The following KAZN variants were observed in gnomAD, a reference collection of about 807,000 sequenced individuals.
KAZN encodes kazrin.
A neutral mutation model predicts 87.4 loss-of-function variants in KAZN; 40 were observed. The ratio of observed to expected loss-of-function variants is 0.46; its 90% CI spans 0.36 to 0.60. The LOEUF (loss-of-function observed/expected upper bound fraction) is 0.60, where lower values mean the gene tolerates loss of function less well. Ranked by LOEUF, KAZN falls within the 20% of genes least tolerant of loss-of-function variation. The probability of loss-of-function intolerance (pLI) is 0.00; values close to 1 mark genes in which losing one functional copy is unlikely to be tolerated. For missense variants in KAZN, 898 were observed against 1,073.9 expected, an observed-to-expected ratio of 0.84 and a Z score of 2.29; for synonymous variants, 466 against 458.3, an observed-to-expected ratio of 1.02 and a Z score of -0.22.
At chr1:14,519,969 C>T (rs1671499482) in intron 2 of KAZN, among the ~76,000 whole-genome samples, 1 of 152,194 alleles carries the variant, frequency 6.6e-6, no homozygotes, top group South Asian at 2.1e-4. Context: ...CCCACGAGCC[C>T]AGGCATCTGT....
At chr1:14,526,176 T>C (rs1448262551) in intron 2 of KAZN, among the ~76,000 whole-genome samples, 1 of 152,214 alleles carries the variant, frequency 6.6e-6, no homozygotes, top group Non-Finnish European at 1.5e-5. Flanking sequence ...CATTGTCATT[T>C]AGCAAGAGAG....
chr1:14,389,002 G>GA (rs968393612), intron 2 of KAZN, among the ~76,000 whole-genome samples: 129 of 150,918 alleles, frequency 8.5e-4, no homozygotes, highest in African/African-American at 2.2e-3. Flanking sequence ...AACTCTACAG[G>GA]AAAAAAAAAT....
At chr1:14,801,388 G>C (rs1265812887) in intron 1 of KAZN, among the ~76,000 whole-genome samples, 1 of 152,184 alleles carries the variant, frequency 6.6e-6, no homozygotes, top group East Asian at 1.9e-4. Flanking sequence ...GGTGAAGCCA[G>C]GTGTGAGGGG....
intron 2 of KAZN, among the ~76,000 whole-genome samples, chr1:14,354,685 C>CACACACACACAA (rs1427516822): frequency 7.6e-5 from 11 of 145,364 alleles, no homozygotes; most frequent in Admixed American, 3.4e-4. Flanking sequence ...CACACACACA[C>CACACACACACAA]ACAAACAAAC....
intron 2 of KAZN, among the ~76,000 whole-genome samples, chr1:14,559,268 T>A (rs1323565114): frequency 6.6e-6 from 1 of 152,208 alleles, no homozygotes; most frequent in African/African-American, 2.4e-5. Context: ...TATAAAGGTG[T>A]TTGACGGCAA....
At chr1:14,537,285 C>T (rs1412311285) in intron 2 of KAZN, among the ~76,000 whole-genome samples, 1 of 152,184 alleles carries the variant, frequency 6.6e-6, no homozygotes, top group Non-Finnish European at 1.5e-5. Flanking sequence ...TCCAGCAAAA[C>T]GTTGAGCAAT....
chr1:15,097,349 A>G (rs1640848277), intron 10 of KAZN, among the ~76,000 whole-genome samples: 1 of 152,074 alleles, frequency 6.6e-6, no homozygotes, highest in South Asian at 2.1e-4. Context: ...ATTTTCAGCC[A>G]TGACATCTTG....
At chr1:14,182,375 A>G (rs953023116) in intron 2 of KAZN, among the ~76,000 whole-genome samples, 30 of 152,256 alleles carry the variant, frequency 2.0e-4, no homozygotes, top group African/African-American at 6.5e-4. Context: ...TTTGCCTCCT[A>G]ACATTCCAAG....
chr1:15,047,260 A>G (rs1054488308), intron 4 of KAZN, among the ~76,000 whole-genome samples: 2 of 152,098 alleles, frequency 1.3e-5, no homozygotes, highest in African/African-American at 4.8e-5. Context: ...ATTGCCCGCC[A>G]TGCCTAAAGT....
intron 2 of KAZN, among the ~76,000 whole-genome samples, chr1:14,382,331 T>C: frequency 6.6e-6 from 1 of 152,086 alleles, no homozygotes; most frequent in East Asian, 1.9e-4. Context: ...CTTTTTTTTA[T>C]TATACTTTTA....
Position 15,094,981 on chromosome 1 carries a change from T to C in KAZN, c.1547+48T>C, listed in dbSNP as rs1640741241. 4.5e-6 allele frequency: 6 copies of C among 1,343,210 alleles called. No homozygotes were observed. Among genetic ancestry groups the C allele is most frequent in the Non-Finnish European group, 6.2e-6 (6 of 962,346 alleles). The allele number at this position is 1,343,210 out of a possible 1,614,324, so 83.2% of individuals were successfully genotyped here. Reference sequence around the variant, plus strand: ...CGGGGGAGGAGAGAAAAAGTCATCCTGAGGCCTTTGGTCACACAGGTGGGG... The same window carrying C: ...CGGGGGAGGAGAGAAAAAGTCATCCCGAGGCCTTTGGTCACACAGGTGGGG... On this transcript the variant is annotated intron_variant, in intron 10 of 14. Transcript: ENST00000376030. The surrounding 1 kb of genome is among the most constrained non-coding windows in gnomAD (Gnocchi z 4.5).
intron 2 of KAZN, chr1:14,304,502 T>C (rs1011699057): frequency 1.0e-5 from 4 of 396,760 alleles, no homozygotes; most frequent in Non-Finnish European, 1.8e-5. Context: ...CAACTGGAAT[T>C]TTGGAAGCTT....
At position 13,921,763 on chromosome 1, in the gene KAZN, C is replaced by A. The variant is rs1256908696; in HGVS notation, c.91+28007C>A. Among the ~76,000 whole-genome samples, 3 of 152,088 alleles carry A rather than the reference C, an allele frequency of 2.0e-5. No homozygotes were observed. The East Asian group carries it at 5.8e-4, about 29-fold the overall frequency. ...GCCTCAGCCTCCCGAGTAGCTGGGA[C>A]AACAGGTGTGGTCACCCGCCACCAC... On this transcript the variant is annotated intron_variant, in intron 1 of 16. Transcript: ENST00000636203.
chr1:14,266,435 C>A (rs149325218), intron 2 of KAZN, among the ~76,000 whole-genome samples: 1 of 152,192 alleles, frequency 6.6e-6, no homozygotes, highest in Non-Finnish European at 1.5e-5. Context: ...TTTTACCACA[C>A]GCTAATTGAT....
chr1:14,979,836 A>AT (rs934596943), intron 2 of KAZN, among the ~76,000 whole-genome samples: 5 of 152,172 alleles, frequency 3.3e-5, no homozygotes, highest in African/African-American at 1.2e-4. Context: ...TGAAGATTAA[A>AT]TGAGCTGATT....
chr1:14,915,746 T>C (rs968888885), intron 1 of KAZN, among the ~76,000 whole-genome samples: 1 of 152,250 alleles, frequency 6.6e-6, no homozygotes, highest in Admixed American at 6.5e-5. Flanking sequence ...CACATCACCT[T>C]GGATGAGTCC....
intron 1 of KAZN, among the ~76,000 whole-genome samples, chr1:14,040,498 A>C: frequency 6.6e-6 from 1 of 152,230 alleles, no homozygotes; most frequent in Middle Eastern, 3.2e-3. Flanking sequence ...ACGGTGGCTC[A>C]TGCCTGTAAT....
intron 1 of KAZN, among the ~76,000 whole-genome samples, chr1:14,810,605 T>A (rs1472850398): frequency 6.6e-6 from 1 of 152,110 alleles, no homozygotes; most frequent in Non-Finnish European, 1.5e-5. Context: ...TCATTCAGTC[T>A]TGAAAATAAG....
At chr1:14,966,453 A>C (rs1207593405) in intron 2 of KAZN, among the ~76,000 whole-genome samples, 1 of 152,156 alleles carries the variant, frequency 6.6e-6, no homozygotes, top group East Asian at 1.9e-4. Flanking sequence ...GTTTTGGTTG[A>C]AAATCTGGCG....
Sources: gnomAD v4.1 joint callset for allele counts (sites outside exome capture counted in the v4.1 genomes callset) on GRCh38, gnomAD v4.1.1 for gene constraint, Gnocchi (gnomAD v3.1) non-coding constraint, MANE v1.5 for transcripts, NCBI Gene and HGNC (gene_info 2026-07-23, HGNC 2026-07-21) for gene names.